Variants in PLD5 observed in about 807,000 individuals in gnomAD.
The protein encoded by PLD5 is phospholipase D family member 5.
In PLD5, 36 loss-of-function variants were observed where a neutral mutation model predicts 61.1. The observed-to-expected ratio is 0.59, with a 90% CI of 0.45 to 0.78. The LOEUF (loss-of-function observed/expected upper bound fraction) is 0.78, where lower values mean the gene tolerates loss of function less well. PLD5 is among the 30% of genes least tolerant of loss of function. The pLI, the probability that PLD5 is intolerant of heterozygous loss-of-function variation, is 0.00. For synonymous variants in PLD5, 243 were observed against 242.8 expected (o/e 1.00, Z -0.01); for missense variants, 515 against 644.4 (o/e 0.80, Z 2.17).
At chr1:242,204,948 T>A (rs12098208) in intron 5 of PLD5, among the ~76,000 whole-genome samples, 3 of 152,104 alleles carry the variant, frequency 2.0e-5, no homozygotes, top group Non-Finnish European at 4.4e-5. Flanking sequence ...AGATGTATAG[T>A]GCGTATGTTA....
At chr1:242,459,323 G>T (rs935064126) in intron 1 of PLD5, among the ~76,000 whole-genome samples, 1 of 152,182 alleles carries the variant, frequency 6.6e-6, no homozygotes, top group Admixed American at 6.5e-5. Flanking sequence ...GGCCTCTCAA[G>T]CACACTTACC....
intron 1 of PLD5, among the ~76,000 whole-genome samples, chr1:242,366,629 T>C (rs1661355154): frequency 6.6e-6 from 1 of 152,202 alleles, no homozygotes; most frequent in Non-Finnish European, 1.5e-5. Flanking sequence ...TTGTAATTGG[T>C]AATTTATTGC....
intron 1 of PLD5, among the ~76,000 whole-genome samples, chr1:242,355,422 T>G (rs1231377457): frequency 1.3e-5 from 2 of 152,182 alleles, no homozygotes; most frequent in Non-Finnish European, 2.9e-5. Context: ...CATAATAGTT[T>G]CTTATGATTG....
At chr1:242,404,577 G>A (rs532994149) in intron 1 of PLD5, among the ~76,000 whole-genome samples, 74 of 152,182 alleles carry the variant, frequency 4.9e-4, no homozygotes, top group Middle Eastern at 3.4e-3. Flanking sequence ...TCTTCCAAAC[G>A]TGACTTCTCC....
At chr1:242,465,264 C>A (rs1446429201) in intron 1 of PLD5, among the ~76,000 whole-genome samples, 2 of 152,134 alleles carry the variant, frequency 1.3e-5, no homozygotes, top group African/African-American at 4.8e-5. Context: ...ATAAATATAT[C>A]CAGAAGCCGA....
rs1029254768 is a variant in PLD5, at chr1:242,086,869, A to T, written c.*2985T>A. 1.3e-5 allele frequency: 2 copies of T among 152,098 alleles called. No individual in the cohort carries two copies. The highest frequency in any genetic ancestry group is 1.3e-4 in the Admixed American group (2 of 15,272). The allele number at this position is 152,098 out of a possible 1,614,324, so 9.4% of individuals were successfully genotyped here. Reference sequence around the variant, plus strand: ...AATAAATCCAGGAATGTTAATGGGGAGTAGTCACCCTGCTCCTCATAATTT... The same window carrying T: ...AATAAATCCAGGAATGTTAATGGGGTGTAGTCACCCTGCTCCTCATAATTT... On this transcript the variant is annotated 3_prime_UTR_variant, in exon 10 of 10. Transcript: ENST00000536534.
chr1:242,525,890 T>A (rs1203823876), upstream of PLD5, among the ~76,000 whole-genome samples: 4 of 152,194 alleles, frequency 2.6e-5, no homozygotes, highest in Non-Finnish European at 4.4e-5. Flanking sequence ...ACATTCAATA[T>A]GGGGATGAAA....
intron 1 of PLD5, among the ~76,000 whole-genome samples, chr1:242,421,218 A>C (rs1665126363): frequency 6.6e-6 from 1 of 150,944 alleles, no homozygotes; most frequent in Non-Finnish European, 1.5e-5. Context: ...TCAGTTACTT[A>C]ATTTTAAGAA....
In PLD5 at chr1:242,151,646, T is replaced by A. The variant is rs983583508; in HGVS notation, c.736-26981A>T. Among the ~76,000 whole-genome samples the A allele has an allele frequency of 2.2e-4, 34 of 152,094 alleles. 1 individual carries two copies. Among genetic ancestry groups the A allele is most frequent in the African/African-American group, 8.0e-4 (33 of 41,406 alleles). On this transcript the variant is annotated intron_variant, in intron 5 of 9. Coordinates refer to ENST00000536534, the MANE Select transcript of PLD5 (RefSeq NM_001372062.1). ...TTTGTTTCCTTACTTGTTTGCTTTG[T>A]GTATTCTAATGCTTGATGGTTTCTG...
At chr1:242,324,066 A>G (rs1428179675) in intron 2 of PLD5, among the ~76,000 whole-genome samples, 2 of 151,946 alleles carry the variant, frequency 1.3e-5, no homozygotes, top group Non-Finnish European at 2.9e-5. Context: ...AATGGAAAAT[A>G]CAATTTTGAC....
Position 242,165,464 on chromosome 1 carries a change from A to C in PLD5, c.736-40799T>G, listed in dbSNP as rs186565865. On this transcript the variant is annotated intron_variant, in intron 5 of 9. Coordinates refer to ENST00000536534, the MANE Select transcript of PLD5 (RefSeq NM_001372062.1). ...GTGGCTTTAAAGGGAAAAAAAAAAA[A>C]AAACCTGCCAGCAACCAGTGGGATG... is the stretch of plus-strand genomic sequence containing the variant. 3.8e-3 allele frequency among the ~76,000 whole-genome samples: 577 copies of C among 151,902 alleles called. 7 individuals are homozygous for C. The highest frequency in any genetic ancestry group is 0.013 in the African/African-American group (555 of 41,446).
intron 1 of PLD5, among the ~76,000 whole-genome samples, chr1:242,455,418 G>A (rs930113501): frequency 1.3e-5 from 2 of 152,208 alleles, no homozygotes; most frequent in African/African-American, 2.4e-5. Context: ...GAAGTCTTCT[G>A]AGGCAGGTTG....
intron 1 of PLD5, among the ~76,000 whole-genome samples, chr1:242,349,423 G>GT (rs1660349301): frequency 6.6e-6 from 1 of 152,184 alleles, no homozygotes; most frequent in Admixed American, 6.5e-5. Context: ...AGTTTTTCAG[G>GT]TTACCTTCGG....
chr1:242,216,107 C>T (rs1455152368), intron 5 of PLD5, among the ~76,000 whole-genome samples: 2 of 152,154 alleles, frequency 1.3e-5, no homozygotes, highest in Non-Finnish European at 2.9e-5. Flanking sequence ...CAGGTCACTC[C>T]TTGATTGGAA....
At chr1:242,480,178 C>G (rs534360514) in intron 1 of PLD5, among the ~76,000 whole-genome samples, 13 of 152,158 alleles carry the variant, frequency 8.5e-5, no homozygotes, top group Non-Finnish European at 1.3e-4. Flanking sequence ...ATTAACTGGA[C>G]AGAGTAGTGA....
intron 2 of PLD5, among the ~76,000 whole-genome samples, chr1:242,339,435 G>A (rs1659711780): frequency 6.6e-6 from 1 of 152,180 alleles, no homozygotes; most frequent in African/African-American, 2.4e-5. Context: ...AAAGAGGGAT[G>A]AGTTTCTTCA....
intron 1 of PLD5, among the ~76,000 whole-genome samples, chr1:242,469,933 T>C (rs1034553609): frequency 2.6e-5 from 4 of 152,146 alleles, no homozygotes; most frequent in African/African-American, 9.7e-5. Context: ...TAACAAAGCT[T>C]ATCTGAGGCT....
intron 1 of PLD5, among the ~76,000 whole-genome samples, chr1:242,390,814 A>C (rs2149264161): frequency 6.6e-6 from 1 of 152,282 alleles, no homozygotes; most frequent in East Asian, 1.9e-4. Context: ...CTTCATGTTA[A>C]GGACCTGAGA....
intron 2 of PLD5, among the ~76,000 whole-genome samples, chr1:242,327,704 G>A (rs1194094815): frequency 6.6e-6 from 1 of 152,176 alleles, no homozygotes; most frequent in Non-Finnish European, 1.5e-5. Context: ...GCCATATGAA[G>A]TTCAGTGCAC....
Sources: allele counts gnomAD v4.1 joint callset (sites outside exome capture counted in the v4.1 genomes callset), GRCh38; gene constraint gnomAD v4.1.1; transcripts MANE v1.5; gene names NCBI Gene and HGNC (gene_info 2026-07-23, HGNC 2026-07-21).